The following RBMX2 variants were observed in gnomAD, a reference collection of about 807,000 sequenced individuals.
RBMX2 encodes the protein RNA-binding motif protein, X-linked 2.
For synonymous variants in RBMX2, 77 were observed against 94.3 expected, an observed-to-expected ratio of 0.82 and a Z score of 1.07; for missense variants, 191 against 256.0, an observed-to-expected ratio of 0.75 and a Z score of 1.73.
At chrX:130,408,623 T>C (rs1343007361) in intron 3 of RBMX2, among the ~76,000 whole-genome samples, 2 of 111,528 alleles carry the variant, frequency 1.8e-5, no homozygotes, top group East Asian at 2.8e-4. Flanking sequence ...GGAAACATGG[T>C]CTGTTCTGTT....
chrX:130,411,410 A>G lies in RBMX2; in HGVS notation c.366A>G (p.Glu122=). 8.3e-7 allele frequency: 1 copy of G among 1,209,496 alleles called. No homozygotes were observed. Among genetic ancestry groups the G allele is most frequent in the Non-Finnish European group, 1.1e-6 (1 of 894,339 alleles). Residue 122 remains glutamate, a synonymous_variant, in exon 5 of 6, where the codon GAA becomes GAG. Coordinates refer to ENST00000305536, the MANE Select transcript of RBMX2 (RefSeq NM_016024.4). ...VSNYRAPKDS[E]EIDDVTRQLQ... The stretch of plus-strand genomic sequence containing the variant: ...ACTATCGGGCTCCTAAGGACTCAGA[A>G]GAAATAGATGATGTGACCAGACAAC...
At chrX:130,405,646 G>A (rs375370101) in intron 3 of RBMX2, among the ~76,000 whole-genome samples, 2 of 109,823 alleles carry the variant, frequency 1.8e-5, no homozygotes, top group Admixed American at 2.0e-4. Flanking sequence ...GGTCTCTTTA[G>A]TGAAAGAGGA....
At chrX:130,405,303 C>T (rs1471713154) in intron 3 of RBMX2, among the ~76,000 whole-genome samples, 1 of 108,434 alleles carries the variant, frequency 9.2e-6, no homozygotes, top group Admixed American at 9.9e-5. Context: ...TGCTTGAATC[C>T]GGGAGGTGGA....
At chrX:130,402,980 C>G (rs1421351854) in intron 2 of RBMX2, among the ~76,000 whole-genome samples, 1 of 112,787 alleles carries the variant, frequency 8.9e-6, no homozygotes, top group African/African-American at 3.2e-5. Flanking sequence ...TTATAATAAT[C>G]TTGCGAGTTA....
chrX:130,406,746 TG>T (rs2034487918), intron 3 of RBMX2, among the ~76,000 whole-genome samples: 1 of 110,229 alleles, frequency 9.1e-6, no homozygotes, highest in Non-Finnish European at 1.9e-5. Flanking sequence ...ATAAATGTAA[TG>T]ATCTATCTTG....
chrX:130,411,525 G>T lies in RBMX2; in HGVS notation c.481G>T (p.Asp161Tyr). The T allele has an allele frequency of 8.4e-7, 1 of 1,185,233 alleles. No individual in the cohort carries two copies. Among genetic ancestry groups the T allele is most frequent in the Non-Finnish European group, 1.1e-6 (1 of 883,467 alleles). Residue 161 changes from aspartate (D) to tyrosine (Y), a missense_variant and splice_region_variant, in exon 5 of 6, where the codon GAC (aspartate) becomes TAC (tyrosine). Physicochemically the swap from Asp to Tyr is radical, Grantham distance 160. Transcript: ENST00000305536. Reference protein sequence around the residue: ...DEKPTKKHKKDKKEKKKKKKE... With the variant: ...DEKPTKKHKKYKKEKKKKKKE... The stretch of plus-strand genomic sequence containing the variant: ...AAAACCAACAAAAAAGCACAAAAAA[G>T]GTAAAGCATTAAGACTTAAGAGAAG...
At position 130,411,350 on chromosome X, in the gene RBMX2, C is replaced by T; in HGVS notation, c.306C>T (p.Ile102=). ...LAVDNFNGIK[I]KGRTIRVDHV... is the part of the protein sequence containing the mutation. ...GAAGCATCGCCTGTCTTGCTTAGATCAAAGGAAGAACTATCCGAGTGGATC... is the reference window on the plus strand; with the variant it reads ...GAAGCATCGCCTGTCTTGCTTAGATTAAAGGAAGAACTATCCGAGTGGATC... The change falls in exon 5 of 6, where the codon ATC becomes ATT. Residue 102 remains isoleucine, a splice_region_variant and synonymous_variant. Transcript: ENST00000305536. The T allele has an allele frequency of 8.5e-7, 1 of 1,179,569 alleles. No individual in the cohort carries two copies. Among genetic ancestry groups the T allele is most frequent in the Non-Finnish European group, 1.1e-6 (1 of 880,293 alleles).
At chrX:130,403,291 T>C (rs754225254) in intron 2 of RBMX2, among the ~76,000 whole-genome samples, 2 of 112,793 alleles carry the variant, frequency 1.8e-5, no homozygotes, top group Non-Finnish European at 3.7e-5. Context: ...CGACTTCCAC[T>C]CAAAATTAAT....
At chrX:130,402,224 T>TGCCCG in intron 1 of RBMX2, 31 bp from the exon 2 acceptor site, 1 of 1,174,330 alleles carries the variant, frequency 8.5e-7, no homozygotes. Context: ...CTTTTCTGCC[T>TGCCCG]ACCCTCCCCA....
intron 3 of RBMX2, among the ~76,000 whole-genome samples, chrX:130,405,384 AAAAAAAG>A (rs1442560210): frequency 9.0e-6 from 1 of 110,750 alleles, no homozygotes; most frequent in East Asian, 2.8e-4. Flanking sequence ...CCCATCTCAA[AAAAAAAG>A]AAAAAAGAAA....
rs376790534 is a variant in RBMX2, at chrX:130,412,518, T to C, written c.639T>C (p.Ala213=). The C allele has an allele frequency of 2.6e-4, 313 of 1,205,685 alleles. No homozygotes were observed. Among genetic ancestry groups the C allele is most frequent in the Non-Finnish European group, 3.4e-4 (306 of 894,076 alleles). Residue 213 remains alanine, a synonymous_variant, in exon 6 of 6, where the codon GCT becomes GCC. Transcript: ENST00000305536. ...ACAGCAGCAAGAACTCAGAGAGAGCTCAGAAGTCAGAGCCCAGGGAGGGGC... is the reference window on the plus strand; with the variant it reads ...ACAGCAGCAAGAACTCAGAGAGAGCCCAGAAGTCAGAGCCCAGGGAGGGGC... ...KKHSSKNSER[A]QKSEPREGQK... is the part of the protein sequence containing the mutation.
At chrX:130,402,497 G>T in intron 2 of RBMX2, 127 bp downstream of exon 2, 1 of 1,060,290 alleles carries the variant, frequency 9.4e-7, no homozygotes. Context: ...TCTGCTGTCT[G>T]CCCGGGAATC....
In RBMX2 at chrX:130,412,369, GAAAAAAAGA is replaced by G; in HGVS notation, c.502_510del (p.Lys168_Lys170del). 1 of 1,135,046 alleles carries G rather than the reference GAAAAAAAGA, an allele frequency of 8.8e-7. No homozygotes were observed. The highest frequency in any genetic ancestry group is 1.2e-6 in the Non-Finnish European group (1 of 860,535). The allele number at this position is 1,135,046 out of a possible 1,213,427, so 93.5% of individuals were successfully genotyped here. A position where few individuals can be genotyped will look rare whatever the true frequency, so the allele number is the denominator to read the frequency against. Reference sequence around the variant, plus strand: ...TTTCTTTTATCCTCCAGACAAAAAGGAAAAAAAGAAAAAAAAGAAAGAAAAAGAGAAAGC... The same window carrying G: ...TTTCTTTTATCCTCCAGACAAAAAGGAAAAAAAGAAAGAAAAAGAGAAAGC... On this transcript the variant is annotated inframe_deletion, in exon 6 of 6. Coordinates refer to ENST00000305536, the MANE Select transcript of RBMX2 (RefSeq NM_016024.4).
intron 1 of RBMX2, 97 bp downstream of exon 1, chrX:130,402,134 G>A: frequency 8.6e-7 from 1 of 1,162,643 alleles, no homozygotes; most frequent in Non-Finnish European, 1.2e-6. Flanking sequence ...CCGAGGGGCG[G>A]GAGCGGCGCG....
chrX:130,402,379 C>A lies in RBMX2; in HGVS notation c.121+9C>A. The A allele has an allele frequency of 2.5e-6, 3 of 1,205,636 alleles. No individual in the cohort carries two copies. Among genetic ancestry groups the A allele is most frequent in the African/African-American group, 3.5e-5 (2 of 57,600 alleles). ...CGCCTGGATCTTCCTGGGTGAGGTCCACATCTTTCTTCCTCAGTGCTCTCC... is the reference window on the plus strand; with the variant it reads ...CGCCTGGATCTTCCTGGGTGAGGTCAACATCTTTCTTCCTCAGTGCTCTCC... On this transcript the variant is annotated intron_variant, in intron 2 of 5. Transcript: ENST00000305536.
Position 130,412,971 on chromosome X carries a change from T to TCTAA in RBMX2, c.*123_*124insCTAA. ...GGCTGGATTCTTTTAATCCCTTGAC[T>TCTAA]ATTTAGAGTCATTGGGAGGGCTGCA... is the stretch of plus-strand genomic sequence containing the variant. On this transcript the variant is annotated 3_prime_UTR_variant, in exon 6 of 6. Transcript: ENST00000305536. The TCTAA allele has an allele frequency of 2.7e-6, 2 of 728,574 alleles. No homozygotes were observed. Among genetic ancestry groups the TCTAA allele is most frequent in the Non-Finnish European group, 3.9e-6 (2 of 512,761 alleles). The allele number at this position is 728,574 out of a possible 1,213,427, so 60.0% of individuals were successfully genotyped here. A position where few individuals can be genotyped will look rare whatever the true frequency, so the allele number is the denominator to read the frequency against.
intron 5 of RBMX2, among the ~76,000 whole-genome samples, 192 bp from the exon 6 acceptor site, chrX:130,412,169 G>T (rs1197640865): frequency 1.9e-5 from 2 of 106,476 alleles, no homozygotes; most frequent in African/African-American, 6.9e-5. Context: ...CTCGTGATCC[G>T]CCTGTCTTGG....
At chrX:130,409,724 C>G (rs2034503035) in intron 4 of RBMX2, among the ~76,000 whole-genome samples, 1 of 111,678 alleles carries the variant, frequency 9.0e-6, no homozygotes, top group Non-Finnish European at 1.9e-5. Context: ...GACTAGCAAA[C>G]ATTGCTCTTC....
In RBMX2 at chrX:130,403,805, G is replaced by C; in HGVS notation, c.125G>C (p.Gly42Ala). The C allele has an allele frequency of 8.3e-7, 1 of 1,209,957 alleles. No individual in the cohort carries two copies. Among genetic ancestry groups the C allele is most frequent in the Non-Finnish European group, 1.1e-6 (1 of 893,740 alleles). ...GAAATGTGGTTTTCTCTTCTAGGAG[G>C]GCTTCCTTATGAACTGACTGAAGGG... is the stretch of plus-strand genomic sequence containing the variant. ...YKDSAWIFLG[G>A]LPYELTEGDI... The change falls in exon 3 of 6, where the codon GGG (glycine) becomes GCG (alanine). Residue 42 changes from glycine to alanine, a missense_variant. By Grantham distance (60) the Gly-to-Ala change is moderately conservative (BLOSUM62 0). Transcript: ENST00000305536.
Sources: allele counts gnomAD v4.1 joint callset (sites outside exome capture counted in the v4.1 genomes callset), GRCh38; gene constraint gnomAD v4.1.1; transcripts MANE v1.5; gene names NCBI Gene and HGNC (gene_info 2026-07-23, HGNC 2026-07-21).